TBC1D4: variants seen among roughly 807,000 people sequenced by gnomAD.
TBC1D4 encodes TBC (Tre-2, BUB2, CDC16) domain-containing protein.
In TBC1D4, 121 loss-of-function variants were observed where a neutral mutation model predicts 142.5. The observed-to-expected ratio is 0.85, with a 90% CI of 0.73 to 0.99. The LOEUF is 0.99. Among genes scored for constraint, TBC1D4 ranks in the 50% least tolerant of loss-of-function variants. The pLI is 0.00. For synonymous variants in TBC1D4, 630 were observed against 628.2 expected (o/e 1.00, Z -0.04); for missense variants, 1,475 against 1,606.6 (o/e 0.92, Z 1.40).
chr13:75,451,499 G>C (rs1887528517), intron 1 of TBC1D4, among the ~76,000 whole-genome samples: 1 of 149,038 alleles, frequency 6.7e-6, no homozygotes, highest in African/African-American at 2.4e-5. Context: ...CATATTTTGA[G>C]TGAGACTCCA....
intron 1 of TBC1D4, among the ~76,000 whole-genome samples, chr13:75,384,619 T>C (rs569865927): frequency 1.4e-5 from 2 of 147,200 alleles, no homozygotes; most frequent in Non-Finnish European, 3.0e-5. Flanking sequence ...AATACAGGAA[T>C]ATGAGCCCAA....
At chr13:75,313,429 A>G (rs1265630882) in intron 12 of TBC1D4, among the ~76,000 whole-genome samples, 1 of 152,228 alleles carries the variant, frequency 6.6e-6, no homozygotes, top group Non-Finnish European at 1.5e-5. Flanking sequence ...AGAACAGTCA[A>G]CCTTGGGATT....
chr13:75,326,743 C>T (rs1449654782), intron 9 of TBC1D4, among the ~76,000 whole-genome samples: 1 of 152,174 alleles, frequency 6.6e-6, no homozygotes, highest in African/African-American at 2.4e-5. Flanking sequence ...TCCCCTGACA[C>T]TTTGTGATGA....
chr13:75,284,385 A>G lies in TBC1D4; in HGVS notation c.*2407T>C, dbSNP rs1042521939. Among the ~76,000 whole-genome samples the G allele has an allele frequency of 6.6e-6, 1 of 152,152 alleles. No homozygotes were observed. Among genetic ancestry groups the G allele is most frequent in the African/African-American group, 2.4e-5 (1 of 41,422 alleles). On this transcript the variant is annotated 3_prime_UTR_variant, in exon 21 of 21. Coordinates refer to ENST00000377636, the MANE Select transcript of TBC1D4 (RefSeq NM_014832.5). ...TGCAACTAGACGATCCCATCTGGGG[A>G]TGATGGGAGACAGTGACAGATCATC...
At chr13:75,365,832 A>C (rs1037960419) in intron 1 of TBC1D4, among the ~76,000 whole-genome samples, 1 of 152,208 alleles carries the variant, frequency 6.6e-6, no homozygotes, top group African/African-American at 2.4e-5. Flanking sequence ...AAGAACTTGA[A>C]TGAATGCTGA....
intron 1 of TBC1D4, among the ~76,000 whole-genome samples, chr13:75,452,031 A>G (rs1887554301): frequency 6.6e-6 from 1 of 152,028 alleles, no homozygotes; most frequent in African/African-American, 2.4e-5. Flanking sequence ...CTTTTGGACC[A>G]TATTTTGACT....
chr13:75,394,008 G>A (rs1194702448), intron 1 of TBC1D4, among the ~76,000 whole-genome samples: 1 of 151,968 alleles, frequency 6.6e-6, no homozygotes, highest in Non-Finnish European at 1.5e-5. Flanking sequence ...AAGAATATGA[G>A]TCAGTCTATC....
At chr13:75,373,064 G>T (rs1332037140) in intron 1 of TBC1D4, among the ~76,000 whole-genome samples, 1 of 152,192 alleles carries the variant, frequency 6.6e-6, no homozygotes. Flanking sequence ...TTTAAGCAAG[G>T]CTTAATTGTG....
rs1220012077 is a variant in TBC1D4, at chr13:75,309,981, A to G, written c.2554T>C (p.Leu852=). 1.2e-6 allele frequency: 2 copies of G among 1,614,146 alleles called. No homozygotes were observed. Among genetic ancestry groups the G allele is most frequent in the Non-Finnish European group, 1.7e-6 (2 of 1,180,002 alleles). Residue 852 remains leucine (L), a synonymous_variant, in exon 14 of 21, where the codon TTG becomes CTG. Coordinates refer to ENST00000377636, the MANE Select transcript of TBC1D4 (RefSeq NM_014832.5). ...TTTTCTTTTTCCATTCGAAGTAACA[A>G]GATTTGTTGGTGTATAGCTTTTCTC... ...LWRKAIHQQI[L]LLRMEKENQK...
At chr13:75,449,661 T>G (rs988349470) in intron 1 of TBC1D4, among the ~76,000 whole-genome samples, 1 of 151,080 alleles carries the variant, frequency 6.6e-6, no homozygotes, top group African/African-American at 2.4e-5. Flanking sequence ...TCTCGGCTCA[T>G]TGCAGGCTTC....
Position 75,413,046 on chromosome 13 carries a change from TA to T in TBC1D4, c.499-50440del. Among the ~76,000 whole-genome samples the T allele has an allele frequency of 2.0e-5, 3 of 152,178 alleles. No homozygotes were observed. The South Asian group carries it at 6.2e-4, about 32-fold the overall frequency. On this transcript the variant is annotated intron_variant, in intron 1 of 20. Coordinates refer to ENST00000377636, the MANE Select transcript of TBC1D4 (RefSeq NM_014832.5). The stretch of plus-strand genomic sequence containing the variant: ...GGAAACAGACAAGAAAATGGGCAAG[TA>T]CAGTACAGTGTGATAAATGCCACAA...
chr13:75,481,698 C>G lies in TBC1D4; in HGVS notation c.70G>C (p.Ala24Pro), dbSNP rs772651134. ...HPLEPEPGVS[A>P]QPGPGKPSDK... ...CTTGGCTTCCCGGGGCCGGGCTGAG[C>G]TGAGACGCCCGGCTCGGGCTCCAGG... Residue 24 changes from alanine to proline, a missense_variant, in exon 1 of 21, where the codon GCT becomes CCT. By Grantham distance (27) the Ala-to-Pro change is conservative (BLOSUM62 -1). This residue lies in a region of TBC1D4 where 1,227 missense variants were observed against 1,267.7 expected (regional missense o/e 0.97). Coordinates refer to ENST00000377636, the MANE Select transcript of TBC1D4 (RefSeq NM_014832.5). 6.3e-7 allele frequency: 1 copy of G among 1,597,374 alleles called. No individual in the cohort carries two copies.
intron 11 of TBC1D4, among the ~76,000 whole-genome samples, chr13:75,320,462 T>C (rs1157997987): frequency 6.6e-6 from 1 of 152,190 alleles, no homozygotes; most frequent in African/African-American, 2.4e-5. Flanking sequence ...CATAACATTA[T>C]ATAAAATTAT....
In TBC1D4 at chr13:75,339,088, C is replaced by G. The variant is rs1330757861; in HGVS notation, c.1611+2037G>C. On this transcript the variant is annotated intron_variant, in intron 7 of 20. Coordinates refer to ENST00000377636, the MANE Select transcript of TBC1D4 (RefSeq NM_014832.5). ...CAATGCTACCTCTAACTTGTGCATA[C>G]ATCATTATACCAATCACATCATATT... Among the ~76,000 whole-genome samples the G allele has an allele frequency of 2.0e-5, 3 of 152,322 alleles. No individual in the cohort carries two copies. In the East Asian group the frequency reaches 5.8e-4, roughly 29 times the overall value.
intron 1 of TBC1D4, among the ~76,000 whole-genome samples, chr13:75,463,239 T>C (rs1029535174): frequency 4.6e-5 from 7 of 152,114 alleles, no homozygotes; most frequent in Admixed American, 2.6e-4. Context: ...AGTGTAATGA[T>C]GTTACTCATG....
chr13:75,464,904 G>A (rs903850200), intron 1 of TBC1D4, among the ~76,000 whole-genome samples: 3 of 152,196 alleles, frequency 2.0e-5, no homozygotes, highest in Non-Finnish European at 1.5e-5. Flanking sequence ...CCAATCTAGA[G>A]TAAGTTTCCT....
rs749165779 is a variant in TBC1D4, at chr13:75,299,204, A to C, written c.3156+126T>G. The C allele has an allele frequency of 2.6e-5, 40 of 1,521,542 alleles. No individual in the cohort carries two copies. In the Admixed American group the frequency reaches 6.5e-4, roughly 25 times the overall value. The allele number at this position is 1,521,542 out of a possible 1,614,324, so 94.3% of individuals were successfully genotyped here. A position where few individuals can be genotyped will look rare whatever the true frequency, so the allele number is the denominator to read the frequency against. ...CACTAAGTGAACTAAAACATGCCCCAATCTTTACCCAAGTTCTAAGACAAT... is the reference window on the plus strand; with the variant it reads ...CACTAAGTGAACTAAAACATGCCCCCATCTTTACCCAAGTTCTAAGACAAT... On this transcript the variant is annotated intron_variant, in intron 17 of 20. Coordinates refer to ENST00000377636, the MANE Select transcript of TBC1D4 (RefSeq NM_014832.5).
At position 75,284,099 on chromosome 13, in the gene TBC1D4, A is replaced by G. The variant is rs989371195; in HGVS notation, c.*2693T>C. The stretch of plus-strand genomic sequence containing the variant: ...AGATGCACACCACCACGCCTGGCTA[A>G]TTTTTGTATTTTCCCTAGAGATGGG... On this transcript the variant is annotated 3_prime_UTR_variant, in exon 21 of 21. Transcript: ENST00000377636. Among the ~76,000 whole-genome samples the G allele has an allele frequency of 6.6e-6, 1 of 151,914 alleles. No homozygotes were observed. Among genetic ancestry groups the G allele is most frequent in the Non-Finnish European group, 1.5e-5 (1 of 67,990 alleles).
intron 14 of TBC1D4, among the ~76,000 whole-genome samples, chr13:75,306,720 T>C (rs1877227438): frequency 6.6e-6 from 1 of 152,174 alleles, no homozygotes; most frequent in Non-Finnish European, 1.5e-5. Context: ...ATATGGCGAC[T>C]CTGCTAAGTA....
Sources: allele counts gnomAD v4.1 joint callset (sites outside exome capture counted in the v4.1 genomes callset), GRCh38; gene constraint gnomAD v4.1.1; regional missense constraint gnomAD v4.1.1; transcripts MANE v1.5; gene names NCBI Gene and HGNC (gene_info 2026-07-23, HGNC 2026-07-21).